ASB3: variants seen among roughly 807,000 people sequenced by gnomAD.
The protein encoded by ASB3 is ankyrin repeat and SOCS box protein 3.
Under a neutral mutation model 54.5 loss-of-function variants are expected in ASB3, and 41 were observed. The observed-to-expected ratio is 0.75, with a 90% CI of 0.59 to 0.98. The LOEUF (loss-of-function observed/expected upper bound fraction) is 0.98, where lower values mean the gene tolerates loss of function less well. Ranked by LOEUF, ASB3 falls within the 50% of genes least tolerant of loss-of-function variation. The pLI is 0.00. For synonymous variants in ASB3, 266 were observed against 221.2 expected, an observed-to-expected ratio of 1.20 and a Z score of -1.80; for missense variants, 733 against 620.0, an observed-to-expected ratio of 1.18 and a Z score of -1.94.
chr2:53,734,031 T>C (rs953282400), intron 3 of ASB3, among the ~76,000 whole-genome samples: 61 of 152,240 alleles, frequency 4.0e-4, no homozygotes, highest in Admixed American at 2.6e-4. Context: ...CTATTGTTTG[T>C]GGTTTAAGAA....
chr2:53,714,332 T>A, intron 7 of ASB3, 52 bp downstream of exon 7: 1 of 1,593,660 alleles, frequency 6.3e-7, no homozygotes, highest in South Asian at 1.1e-5. Context: ...TCAAAACACA[T>A]CTCCATACAG....
intron 2 of ASB3, among the ~76,000 whole-genome samples, chr2:53,759,204 G>A (rs1177953971): frequency 2.6e-5 from 4 of 152,190 alleles, no homozygotes; most frequent in South Asian, 2.1e-4. Flanking sequence ...TCACTGGGAC[G>A]CAAAATCAGA....
chr2:53,716,657 A>C lies in ASB3; in HGVS notation c.691T>G (p.Leu231Val), dbSNP rs200706554. 10 of 1,614,152 alleles carry C rather than the reference A, an allele frequency of 6.2e-6. No individual in the cohort carries two copies. In the East Asian group the frequency reaches 2.2e-4, roughly 36 times the overall value. The stretch of plus-strand genomic sequence containing the variant: ...TCAGGATCTGCCCCACTGGAGAGCA[A>C]AAGCTCCACACATTTTGTGTGTCCC... ...QEGHTKCVELLLSSGADPDLY... is the reference protein window; with the variant it reads ...QEGHTKCVELVLSSGADPDLY... Residue 231 changes from leucine (L) to valine (V), a missense_variant, in exon 6 of 10, where the codon TTG (leucine) becomes GTG (valine). Coordinates refer to ENST00000263634, the MANE Select transcript of ASB3 (RefSeq NM_016115.5).
At chr2:53,760,940 G>C (rs1673109199) in intron 2 of ASB3, among the ~76,000 whole-genome samples, 1 of 152,168 alleles carries the variant, frequency 6.6e-6, no homozygotes, top group Admixed American at 6.5e-5. Context: ...GGAACAGCCT[G>C]CTAGCCCATG....
intron 9 of ASB3, among the ~76,000 whole-genome samples, chr2:53,693,445 G>C (rs971960461): frequency 1.3e-5 from 2 of 152,018 alleles, no homozygotes; most frequent in East Asian, 1.9e-4. Context: ...AGTAAGGATA[G>C]GTATAAAGAA....
intron 2 of ASB3, among the ~76,000 whole-genome samples, chr2:53,759,589 A>T (rs1290889358): frequency 6.6e-6 from 1 of 152,150 alleles, no homozygotes; most frequent in African/African-American, 2.4e-5. Flanking sequence ...GATAAGAAAA[A>T]GGCCACCACT....
rs544961428 is a variant in ASB3 at position 53,744,201 on chromosome 2, C to G, written c.355+6582G>C. On this transcript the variant is annotated intron_variant, in intron 3 of 9. Coordinates refer to ENST00000263634, the MANE Select transcript of ASB3 (RefSeq NM_016115.5). The stretch of plus-strand genomic sequence containing the variant: ...ACCATCCTGGCTAACACGGTGAAAC[C>G]TCATCTCTACTAAAAATACAAAAAA... 3.5e-4 allele frequency among the ~76,000 whole-genome samples: 53 copies of G among 151,170 alleles called. 1 individual carries two copies. The highest frequency in any genetic ancestry group is 1.3e-3 in the African/African-American group (53 of 41,168).
Position 53,714,569 on chromosome 2 carries a change from C to A in ASB3, c.795G>T (p.Leu265Phe). The stretch of plus-strand genomic sequence containing the variant: ...AGGCCCGGTTAGTAAGTGGTATTAA[C>A]AAGTCCAAGATTCTATAAATACACA... Reference protein sequence around the residue: ...AQMGHTKILDLLIPLTNRACD... With the variant: ...AQMGHTKILDFLIPLTNRACD... The change falls in exon 7 of 10, where the codon TTG becomes TTT. Residue 265 changes from leucine (L) to phenylalanine (F), a missense_variant. Leu to Phe is a conservative substitution (Grantham distance 22). Transcript: ENST00000263634. 1 of 1,614,116 alleles carries A rather than the reference C, an allele frequency of 6.2e-7. No individual in the cohort carries two copies. Among genetic ancestry groups the A allele is most frequent in the Non-Finnish European group, 8.5e-7 (1 of 1,179,998 alleles).
chr2:53,755,250 G>A (rs781170634), intron 2 of ASB3, among the ~76,000 whole-genome samples: 4 of 152,254 alleles, frequency 2.6e-5, no homozygotes, highest in Non-Finnish European at 5.9e-5. Flanking sequence ...ACTGACGCCT[G>A]TGTAGCAATG....
rs768544955 is a variant in ASB3, at chr2:53,728,773, T to C, written c.543A>G (p.Thr181=). 6.2e-7 allele frequency: 1 copy of C among 1,612,808 alleles called. No individual in the cohort carries two copies. Among genetic ancestry groups the C allele is most frequent in the Non-Finnish European group, 8.5e-7 (1 of 1,179,330 alleles). Residue 181 remains threonine (T), a synonymous_variant, in exon 5 of 10, where the codon ACA becomes ACG. Coordinates refer to ENST00000263634, the MANE Select transcript of ASB3 (RefSeq NM_016115.5). ...CATACTGAGCAGCCACAAATAAAGG[T>C]GTGATTCCAAAGTCATCCTGGCATT... ...NKECQDDFGI[T]PLFVAAQYGK... is the part of the protein sequence containing the mutation.
Position 53,670,292 on chromosome 2 carries a change from ATTTTTTTTTTTTT to A in ASB3, c.*198_*210del, listed in dbSNP as rs757738523. The stretch of plus-strand genomic sequence containing the variant: ...TAAAGTAATATAAGTGATGTTTACA[ATTTTTTTTTTTTT>A]TTTTTTTTTTTTTACTGGGAAGGCT... On this transcript the variant is annotated 3_prime_UTR_variant, in exon 10 of 10. Coordinates refer to ENST00000263634, the MANE Select transcript of ASB3 (RefSeq NM_016115.5). 4 of 178,748 alleles carry A rather than the reference ATTTTTTTTTTTTT, an allele frequency of 2.2e-5. No individual in the cohort carries two copies. Among genetic ancestry groups the A allele is most frequent in the African/African-American group, 6.1e-5 (2 of 33,046 alleles). 11.1% of individuals were successfully genotyped at this position (178,748 alleles called of 1,614,324 possible). A position where few individuals can be genotyped will look rare whatever the true frequency, so the allele number is the denominator to read the frequency against.
At chr2:53,677,627 G>A (rs935526407) in intron 9 of ASB3, among the ~76,000 whole-genome samples, 3 of 152,180 alleles carry the variant, frequency 2.0e-5, no homozygotes, top group Admixed American at 6.5e-5. Flanking sequence ...AGGAACATGA[G>A]TTTCCCCAAT....
chr2:53,682,970 T>C (rs1251547156), intron 9 of ASB3, among the ~76,000 whole-genome samples: 1 of 152,238 alleles, frequency 6.6e-6, no homozygotes, highest in Non-Finnish European at 1.5e-5. Context: ...CCTTTCTTTC[T>C]TTCTCTTGTC....
chr2:53,675,272 A>G (rs1416572169), intron 9 of ASB3, among the ~76,000 whole-genome samples: 1 of 152,236 alleles, frequency 6.6e-6, no homozygotes, highest in Non-Finnish European at 1.5e-5. Flanking sequence ...GTCTCTGACC[A>G]CAGAATCCAA....
chr2:53,693,137 C>A (rs1316740726), intron 9 of ASB3, among the ~76,000 whole-genome samples: 2 of 152,078 alleles, frequency 1.3e-5, no homozygotes, highest in Non-Finnish European at 2.9e-5. Flanking sequence ...AGTGAAGAAA[C>A]AATTTTCCTA....
chr2:53,752,263 G>A (rs1445349086), intron 2 of ASB3, among the ~76,000 whole-genome samples: 1 of 152,064 alleles, frequency 6.6e-6, no homozygotes, highest in Non-Finnish European at 1.5e-5. Context: ...AGGATTTTTT[G>A]CTCCTTAGTT....
chr2:53,759,456 A>G (rs75471950), intron 2 of ASB3, among the ~76,000 whole-genome samples: 8,704 of 152,256 alleles, frequency 0.057, 456 homozygotes, highest in East Asian at 0.28. Context: ...AGCTGCAGAC[A>G]TTAGAACAAA....
At chr2:53,722,551 C>T (rs1331801728) in intron 5 of ASB3, among the ~76,000 whole-genome samples, 1 of 152,014 alleles carries the variant, frequency 6.6e-6, no homozygotes, top group Admixed American at 6.6e-5. Context: ...GGATTCACCA[C>T]GTAAAGAAAA....
chr2:53,754,967 C>T (rs942896771), intron 2 of ASB3, among the ~76,000 whole-genome samples: 1 of 152,182 alleles, frequency 6.6e-6, no homozygotes, highest in African/African-American at 2.4e-5. Context: ...CAACCACCAC[C>T]TTCTCACTCT....
Sources: gnomAD v4.1 joint callset for allele counts (sites outside exome capture counted in the v4.1 genomes callset) on GRCh38, gnomAD v4.1.1 for gene constraint, MANE v1.5 for transcripts, NCBI Gene and HGNC (gene_info 2026-07-23, HGNC 2026-07-21) for gene names.